The following FOXJ3 variants were observed in gnomAD, a reference collection of about 807,000 sequenced individuals.
FOXJ3 encodes the protein forkhead box J3, also known as forkhead box protein J3.
A neutral mutation model predicts 76.1 loss-of-function variants in FOXJ3; 22 were observed. The observed-to-expected ratio is 0.29, with a 90% confidence interval of 0.21 to 0.41. The LOEUF is 0.41. Ranked by LOEUF, FOXJ3 falls within the 10% of genes least tolerant of loss-of-function variation. The pLI is 1.00. For missense variants in FOXJ3, 613 were observed against 762.1 expected (o/e 0.80, Z 2.30); for synonymous variants, 269 against 261.2 (o/e 1.03, Z -0.29).
chr1:42,320,638 C>A (rs773009924), intron 1 of FOXJ3, among the ~76,000 whole-genome samples: 31 of 151,972 alleles, frequency 2.0e-4, no homozygotes, highest in Non-Finnish European at 4.4e-4. Flanking sequence ...GATATTAGAT[C>A]ACATTATATG....
intron 4 of FOXJ3, among the ~76,000 whole-genome samples, chr1:42,255,708 G>A (rs1055470176): frequency 1.3e-5 from 2 of 152,190 alleles, no homozygotes; most frequent in African/African-American, 4.8e-5. Flanking sequence ...GACAAAGTAG[G>A]CTTCAGGACA....
intron 1 of FOXJ3, among the ~76,000 whole-genome samples, chr1:42,321,036 T>C (rs1031572841): frequency 1.3e-5 from 2 of 152,138 alleles, no homozygotes; most frequent in African/African-American, 4.8e-5. Context: ...ACTGAAAAGA[T>C]AGGAAGCTAT....
intron 12 of FOXJ3, 107 bp from the exon 13 acceptor site, chr1:42,179,932 C>G (rs1646284823): frequency 1.4e-6 from 1 of 701,128 alleles, no homozygotes; most frequent in Non-Finnish European, 2.6e-6. Flanking sequence ...CATTATCTCA[C>G]TAATTCAACC....
intron 2 of FOXJ3, among the ~76,000 whole-genome samples, chr1:42,291,071 TAGATAGATAGATAGAC>T (rs1361872178): frequency 2.3e-5 from 2 of 87,482 alleles, no homozygotes; most frequent in Non-Finnish European, 5.0e-5. Flanking sequence ...GATAGATAGA[TAGATAGATAGATAGAC>T]AGACAGACAG....
intron 1 of FOXJ3, among the ~76,000 whole-genome samples, chr1:42,333,156 A>T (rs2455082): frequency 0.18 from 26,701 of 152,116 alleles, 2,535 homozygotes; most frequent in Admixed American, 0.25. Context: ...ACCCATACTT[A>T]GCATAATGAA....
chr1:42,191,395 G>A lies in FOXJ3; in HGVS notation c.1259C>T (p.Pro420Leu). 12 of 1,607,684 alleles carry A rather than the reference G, an allele frequency of 7.5e-6. No individual in the cohort carries two copies. Among genetic ancestry groups the A allele is most frequent in the Non-Finnish European group, 1.0e-5 (12 of 1,174,876 alleles). The change falls in exon 9 of 13, where the codon CCA becomes CTA. Residue 420 changes from proline (P) to leucine (L), a missense_variant. Transcript: ENST00000361346. ...CGGATGGTGCTGTATGTGTTGATGT[G>A]GAGAGGGATGCTGGGGGTGAGGGGA... ...LQSPHPQHPS[P>L]HQHIQHHPNH...
intron 1 of FOXJ3, among the ~76,000 whole-genome samples, chr1:42,324,113 C>CTATATATATATACACTATATATACACTG (rs1557726019): frequency 5.3e-4 from 1 of 1,900 alleles, no homozygotes; most frequent in African/African-American, 1.2e-3. Context: ...TGTATATACA[C>CTATATATATATACACTATATATACACTG]TGTATATACA....
In FOXJ3 at chr1:42,324,018, A is replaced by G. The variant is rs557635505; in HGVS notation, c.-18+11041T>C. Among the ~76,000 whole-genome samples the G allele has an allele frequency of 3.4e-5, 5 of 147,812 alleles. No homozygotes were observed. The South Asian group carries it at 1.1e-3, about 31-fold the overall frequency. On this transcript the variant is annotated intron_variant, in intron 1 of 12. Coordinates refer to ENST00000361346, the MANE Select transcript of FOXJ3 (RefSeq NM_014947.5). ...TAAAATTCTAGGAACTACTAAATAT[A>G]TATAGTATATATATACACACTATAT...
At position 42,277,523 on chromosome 1, in the gene FOXJ3, C is replaced by T. The variant is rs1321400088; in HGVS notation, c.369+825G>A. On this transcript the variant is annotated intron_variant, in intron 3 of 12. Transcript: ENST00000361346. Reference sequence around the variant, plus strand: ...TAAAAATACAAAAAATCTGGCCGGGCGCGGTGGCTCACGCCTGTAATCCCA... The same window carrying T: ...TAAAAATACAAAAAATCTGGCCGGGTGCGGTGGCTCACGCCTGTAATCCCA... Among the ~76,000 whole-genome samples, 2 of 11,660 alleles carry T rather than the reference C, an allele frequency of 1.7e-4. 1 individual carries two copies. Among genetic ancestry groups the T allele is most frequent in the African/African-American group, 4.1e-4 (2 of 4,924 alleles). 7.6% of individuals were successfully genotyped at this position (11,660 alleles called of 152,430 possible).
chr1:42,255,705 T>A (rs2124592289), intron 4 of FOXJ3, among the ~76,000 whole-genome samples: 1 of 152,308 alleles, frequency 6.6e-6, no homozygotes, highest in Admixed American at 6.5e-5. Context: ...TCAGACAAAG[T>A]AGGCTTCAGG....
intron 2 of FOXJ3, among the ~76,000 whole-genome samples, chr1:42,294,754 C>A: frequency 3.8e-5 from 3 of 79,256 alleles, no homozygotes; most frequent in Admixed American, 1.7e-4. Flanking sequence ...AAGAGCGAAA[C>A]TTGGTCTCAA....
chr1:42,327,968 T>C (rs550052805), intron 1 of FOXJ3, among the ~76,000 whole-genome samples: 8 of 152,162 alleles, frequency 5.3e-5, no homozygotes, highest in African/African-American at 1.9e-4. Flanking sequence ...ACAATAAAAA[T>C]AGATATCATG....
intron 4 of FOXJ3, among the ~76,000 whole-genome samples, chr1:42,230,282 A>G (rs1173341282): frequency 6.6e-6 from 1 of 152,230 alleles, no homozygotes; most frequent in East Asian, 1.9e-4. Context: ...CTCTTCACAT[A>G]TCAAAACCAT....
chr1:42,228,036 T>C (rs1647719412), intron 4 of FOXJ3, 70 bp from the exon 5 acceptor site: 1 of 735,746 alleles, frequency 1.4e-6, no homozygotes, highest in Admixed American at 2.7e-5. Context: ...ATTTTTATAA[T>C]CCTTTGCATC....
chr1:42,185,071 A>G (rs1646407448), intron 11 of FOXJ3, among the ~76,000 whole-genome samples: 1 of 151,946 alleles, frequency 6.6e-6, no homozygotes, highest in African/African-American at 2.4e-5. Flanking sequence ...TTGAGCAGAA[A>G]ACAGACGTGA....
intron 2 of FOXJ3, among the ~76,000 whole-genome samples, chr1:42,298,217 C>CA (rs1557707872): frequency 1.3e-5 from 2 of 152,218 alleles, no homozygotes; most frequent in Admixed American, 1.3e-4. Flanking sequence ...GAGGCTTCCC[C>CA]AGCCCTGTGG....
chr1:42,331,110 G>T (rs1265168211), intron 1 of FOXJ3, among the ~76,000 whole-genome samples: 2 of 152,176 alleles, frequency 1.3e-5, no homozygotes, highest in African/African-American at 4.8e-5. Flanking sequence ...ACCAGGCGCG[G>T]TGGCTTACAC....
At chr1:42,315,722 A>C (rs564464051) in intron 1 of FOXJ3, among the ~76,000 whole-genome samples, 1 of 152,362 alleles carries the variant, frequency 6.6e-6, no homozygotes, top group East Asian at 1.9e-4. Flanking sequence ...TTCACATTGA[A>C]GTCAGGAAAT....
intron 2 of FOXJ3, among the ~76,000 whole-genome samples, chr1:42,297,602 TG>T (rs1653870255): frequency 6.6e-6 from 1 of 152,240 alleles, no homozygotes; most frequent in African/African-American, 2.4e-5. Context: ...CTTGCATCCC[TG>T]GAATAAAACC....
Sources: gnomAD v4.1 joint callset for allele counts (sites outside exome capture counted in the v4.1 genomes callset) on GRCh38, gnomAD v4.1.1 for gene constraint, MANE v1.5 for transcripts, NCBI Gene and HGNC (gene_info 2026-07-23, HGNC 2026-07-21) for gene names.